The following GPATCH8 variants were observed in gnomAD, a reference collection of about 807,000 sequenced individuals.
GPATCH8 encodes G patch domain-containing protein 8.
A neutral mutation model predicts 118.3 loss-of-function variants in GPATCH8; 18 were observed. The ratio of observed to expected loss-of-function variants is 0.15; its 90% CI spans 0.11 to 0.23. The LOEUF (loss-of-function observed/expected upper bound fraction) is 0.23, where lower values mean the gene tolerates loss of function less well. Among genes scored for constraint, GPATCH8 ranks in the 10% least tolerant of loss-of-function variants. GPATCH8 has a pLI of 1.00. For missense variants in GPATCH8, 1,631 were observed against 1,873.8 expected (o/e 0.87, Z 2.39); for synonymous variants, 659 against 684.7 (o/e 0.96, Z 0.59).
chr17:44,468,253 A>G (rs1439020321), intron 2 of GPATCH8, among the ~76,000 whole-genome samples: 1 of 152,084 alleles, frequency 6.6e-6, no homozygotes, highest in Admixed American at 6.6e-5. Context: ...GATTACAGGC[A>G]TAAGCCACCA....
intron 6 of GPATCH8, among the ~76,000 whole-genome samples, chr17:44,407,604 G>A (rs1274842229): frequency 1.3e-5 from 2 of 151,998 alleles, no homozygotes; most frequent in Non-Finnish European, 2.9e-5. Context: ...CCTTATTATG[G>A]GGGAAGTTCA....
At chr17:44,489,832 C>T (rs755508363) in intron 1 of GPATCH8, among the ~76,000 whole-genome samples, 3 of 152,188 alleles carry the variant, frequency 2.0e-5, no homozygotes, top group Non-Finnish European at 4.4e-5. Context: ...CAAACTTAGA[C>T]TTATCAGGAT....
intron 2 of GPATCH8, 192 bp from the exon 3 acceptor site, chr17:44,464,736 A>G: frequency 1.7e-6 from 1 of 589,628 alleles, no homozygotes; most frequent in South Asian, 1.9e-5. Flanking sequence ...AGTATTTTAC[A>G]TGGGAAGAAC....
intron 1 of GPATCH8, among the ~76,000 whole-genome samples, chr17:44,489,495 C>T (rs528296670): frequency 1.1e-4 from 16 of 152,220 alleles, no homozygotes; most frequent in African/African-American, 1.9e-4. Context: ...CACCCGCCAT[C>T]ATGCCTGGCT....
chr17:44,442,294 A>G (rs1447901377), intron 3 of GPATCH8, among the ~76,000 whole-genome samples: 3 of 151,576 alleles, frequency 2.0e-5, no homozygotes, highest in African/African-American at 7.3e-5. Context: ...TAATCTGACC[A>G]GCTGGAACTT....
At chr17:44,502,511 C>G (rs1170666054) in intron 1 of GPATCH8, among the ~76,000 whole-genome samples, 8 of 152,090 alleles carry the variant, frequency 5.3e-5, no homozygotes, top group African/African-American at 1.9e-4. Context: ...CTAATTTGGC[C>G]TTTATTTTTT....
At chr17:44,422,800 A>G (rs1249644719) in intron 6 of GPATCH8, among the ~76,000 whole-genome samples, 1 of 151,904 alleles carries the variant, frequency 6.6e-6, no homozygotes, top group African/African-American at 2.4e-5. Context: ...TTAAATTATA[A>G]ATACTTTGAA....
intron 6 of GPATCH8, among the ~76,000 whole-genome samples, chr17:44,423,412 A>G (rs1032282424): frequency 1.3e-5 from 2 of 152,228 alleles, no homozygotes; most frequent in African/African-American, 2.4e-5. Context: ...TCTAGTAAGA[A>G]TAAAACTTGG....
intron 3 of GPATCH8, among the ~76,000 whole-genome samples, chr17:44,441,119 A>AC (rs1399167071): frequency 8.5e-5 from 13 of 152,102 alleles, no homozygotes; most frequent in African/African-American, 3.1e-4. Flanking sequence ...AAGTGCTGGG[A>AC]TTACAGGCGT....
chr17:44,404,857 T>TA (rs1053377739), intron 7 of GPATCH8, among the ~76,000 whole-genome samples: 17 of 148,458 alleles, frequency 1.1e-4, no homozygotes, highest in Admixed American at 4.7e-4. Context: ...TGTGGAAGCT[T>TA]AAAAAAAAAA....
chr17:44,418,456 C>CTT (rs56885612), intron 6 of GPATCH8, among the ~76,000 whole-genome samples: 8 of 139,768 alleles, frequency 5.7e-5, no homozygotes, highest in East Asian at 2.0e-4. Context: ...GTGCTAATGT[C>CTT]TTTTTTTTTT....
chr17:44,435,608 A>G (rs948170302), intron 4 of GPATCH8, among the ~76,000 whole-genome samples: 1 of 148,806 alleles, frequency 6.7e-6, no homozygotes, highest in African/African-American at 2.4e-5. Context: ...GTAGAGATGG[A>G]GTTTCATCAT....
intron 5 of GPATCH8, among the ~76,000 whole-genome samples, chr17:44,428,507 A>G (rs1252585706): frequency 1.3e-5 from 2 of 150,448 alleles, no homozygotes; most frequent in Admixed American, 1.3e-4. Context: ...AAAAAAAAAA[A>G]AAGTACTTGT....
At chr17:44,483,144 G>T (rs1968415521) in intron 1 of GPATCH8, among the ~76,000 whole-genome samples, 1 of 31,016 alleles carries the variant, frequency 3.2e-5, no homozygotes, top group Non-Finnish European at 5.8e-5. Flanking sequence ...GAAAGAGTGA[G>T]ACTCCGTCTC....
chr17:44,449,410 C>T (rs996508422), intron 3 of GPATCH8, among the ~76,000 whole-genome samples: 2 of 152,068 alleles, frequency 1.3e-5, no homozygotes, highest in Non-Finnish European at 2.9e-5. Flanking sequence ...TGCTATGTGG[C>T]CCAGGCTGGT....
chr17:44,482,613 G>T (rs201819484), intron 1 of GPATCH8, among the ~76,000 whole-genome samples: 1 of 149,702 alleles, frequency 6.7e-6, no homozygotes, highest in Non-Finnish European at 1.5e-5. Flanking sequence ...CCTAGATGAC[G>T]GGTTCGTAGG....
intron 5 of GPATCH8, among the ~76,000 whole-genome samples, chr17:44,429,685 CAA>C (rs1491257199): frequency 2.1e-5 from 3 of 141,614 alleles, no homozygotes; most frequent in East Asian, 2.1e-4. Flanking sequence ...CACACACACA[CAA>C]AACAACAAAC....
chr17:44,466,511 T>C (rs1008535915), intron 2 of GPATCH8, among the ~76,000 whole-genome samples: 2 of 152,156 alleles, frequency 1.3e-5, no homozygotes, highest in Admixed American at 1.3e-4. Context: ...AAATATAATA[T>C]AACACTACTG....
At chr17:44,455,090 A>G (rs567020158) in intron 3 of GPATCH8, among the ~76,000 whole-genome samples, 1 of 152,102 alleles carries the variant, frequency 6.6e-6, no homozygotes, top group East Asian at 1.9e-4. Context: ...ACCTATTCCT[A>G]TTTTCAGTAT....
Sources: gnomAD v4.1 joint callset for allele counts (sites outside exome capture counted in the v4.1 genomes callset) on GRCh38, gnomAD v4.1.1 for gene constraint, MANE v1.5 for transcripts, NCBI Gene and HGNC (gene_info 2026-07-23, HGNC 2026-07-21) for gene names.